The following FRMD4B variants were observed in gnomAD, a reference collection of about 807,000 sequenced individuals.
FRMD4B encodes FERM domain-containing protein 4B.
FRMD4B carries 74 observed loss-of-function variants against 141.5 expected under a neutral mutation model. The ratio of observed to expected loss-of-function variants is 0.52; its 90% CI spans 0.43 to 0.63. The LOEUF (loss-of-function observed/expected upper bound fraction) is 0.63, where lower values mean the gene tolerates loss of function less well. Among genes scored for constraint, FRMD4B ranks in the 30% least tolerant of loss-of-function variants. FRMD4B has a pLI of 0.00. For synonymous variants in FRMD4B, 506 were observed against 467.9 expected (o/e 1.08, Z -1.05); for missense variants, 1,366 against 1,253.4 (o/e 1.09, Z -1.36).
intron 1 of FRMD4B, among the ~76,000 whole-genome samples, chr3:69,443,263 G>A (rs754853309): frequency 6.6e-6 from 1 of 152,186 alleles, no homozygotes; most frequent in Non-Finnish European, 1.5e-5. Context: ...GAACAATGGG[G>A]TTTGGAGAGC....
intron 1 of FRMD4B, among the ~76,000 whole-genome samples, chr3:69,382,211 T>C (rs1400516915): frequency 1.3e-5 from 2 of 152,204 alleles, no homozygotes; most frequent in Non-Finnish European, 2.9e-5. Context: ...GGCTAATTTT[T>C]GTATTTTTAG....
At chr3:69,340,008 G>T (rs1433315447) in intron 1 of FRMD4B, among the ~76,000 whole-genome samples, 1 of 152,088 alleles carries the variant, frequency 6.6e-6, no homozygotes. Context: ...CCCTGGTCTT[G>T]TGTTAACTTC....
intron 19 of FRMD4B, among the ~76,000 whole-genome samples, chr3:69,186,506 G>A (rs1039573943): frequency 5.3e-5 from 8 of 152,154 alleles, no homozygotes; most frequent in Non-Finnish European, 1.2e-4. Context: ...GAGGTCAGGA[G>A]TTCAAGACCA....
intron 1 of FRMD4B, among the ~76,000 whole-genome samples, chr3:69,486,536 C>A (rs1417427588): frequency 1.3e-5 from 2 of 152,166 alleles, no homozygotes; most frequent in African/African-American, 4.8e-5. Flanking sequence ...GAATCTCTGC[C>A]AGGTAACTAA....
chr3:69,350,036 AACCTATAGAATGGGAGAAAATTTTC>A (rs1231258995), intron 1 of FRMD4B, among the ~76,000 whole-genome samples: 1 of 152,220 alleles, frequency 6.6e-6, no homozygotes, highest in African/African-American at 2.4e-5. Context: ...GTGAACAGGC[AACCTATAGAATGGGAGAAAATTTTC>A]ACAACCTACT....
At chr3:69,448,397 G>C (rs1705443045) in intron 1 of FRMD4B, among the ~76,000 whole-genome samples, 1 of 152,196 alleles carries the variant, frequency 6.6e-6, no homozygotes, top group Non-Finnish European at 1.5e-5. Flanking sequence ...GTGGAATTGT[G>C]AGATTCTATG....
In FRMD4B at chr3:69,229,029, T is replaced by G. The variant is rs74867192; in HGVS notation, c.582-4339A>C. Among the ~76,000 whole-genome samples the G allele has an allele frequency of 2.4e-3, 350 of 147,004 alleles. 1 individual carries two copies. Among genetic ancestry groups the G allele is most frequent in the African/African-American group, 6.0e-3 (236 of 39,282 alleles). ...CTCAAAATCATGTTTTTTTTTTTTT[T>G]TTTGTTTTGTTTTTGAGGCTGGGTC... On this transcript the variant is annotated intron_variant, in intron 7 of 22. Coordinates refer to ENST00000398540, the MANE Select transcript of FRMD4B (RefSeq NM_015123.3).
chr3:69,492,582 A>C (rs74992154), intron 1 of FRMD4B, among the ~76,000 whole-genome samples: 1 of 152,186 alleles, frequency 6.6e-6, no homozygotes, highest in African/African-American at 2.4e-5. Context: ...GGACCTTGCT[A>C]TGTGCATAAA....
intron 1 of FRMD4B, among the ~76,000 whole-genome samples, chr3:69,530,384 A>G (rs1001224428): frequency 2.6e-5 from 4 of 152,140 alleles, no homozygotes; most frequent in Non-Finnish European, 5.9e-5. Context: ...GTTGTTAAAA[A>G]GAGTCTGGCA....
chr3:69,491,507 G>T (rs1275097054), intron 1 of FRMD4B, among the ~76,000 whole-genome samples: 2 of 152,112 alleles, frequency 1.3e-5, no homozygotes, highest in Non-Finnish European at 2.9e-5. Context: ...ACACCTATTT[G>T]CAATTAAAGA....
In FRMD4B at chr3:69,249,209, G is replaced by T; in HGVS notation, c.581+17C>A. On this transcript the variant is annotated intron_variant, in intron 7 of 22. Coordinates refer to ENST00000398540, the MANE Select transcript of FRMD4B (RefSeq NM_015123.3). ...AGGGTTATTTTGCATAGTAATATCA[G>T]AAAAGAAAAGCATTACCTGGTATAA... 1 of 1,527,432 alleles carries T rather than the reference G, an allele frequency of 6.5e-7. No individual in the cohort carries two copies. The highest frequency in any genetic ancestry group is 9.0e-7 in the Non-Finnish European group (1 of 1,108,752). 94.6% of individuals were successfully genotyped at this position (1,527,432 alleles called of 1,614,324 possible).
At chr3:69,260,526 G>T (rs1272479701) in intron 5 of FRMD4B, among the ~76,000 whole-genome samples, 1 of 152,206 alleles carries the variant, frequency 6.6e-6, no homozygotes, top group Non-Finnish European at 1.5e-5. Context: ...CAGGGCTTGG[G>T]ACCTGCAGCC....
At chr3:69,323,635 T>G in intron 1 of FRMD4B, among the ~76,000 whole-genome samples, 1 of 131,916 alleles carries the variant, frequency 7.6e-6, no homozygotes, top group Admixed American at 7.4e-5. Flanking sequence ...TATATATATA[T>G]ATATATATAT....
chr3:69,478,263 C>A (rs1706039233), intron 1 of FRMD4B, among the ~76,000 whole-genome samples: 1 of 152,100 alleles, frequency 6.6e-6, no homozygotes, highest in East Asian at 1.9e-4. Context: ...AATGTGTTTT[C>A]TCTTGCTTTT....
At chr3:69,293,415 G>A (rs539135730) in intron 4 of FRMD4B, among the ~76,000 whole-genome samples, 1 of 116,788 alleles carries the variant, frequency 8.6e-6, no homozygotes, top group African/African-American at 2.7e-5. Flanking sequence ...ACACACTGGA[G>A]AAATGAGAGG....
chr3:69,225,810 C>G (rs762659991), intron 7 of FRMD4B, among the ~76,000 whole-genome samples: 1 of 147,350 alleles, frequency 6.8e-6, no homozygotes, highest in Admixed American at 6.8e-5. Flanking sequence ...AGGACATAAT[C>G]TATGAGGAAA....
chr3:69,461,623 C>CAAAAAAA (rs58143332), intron 1 of FRMD4B, among the ~76,000 whole-genome samples: 12 of 43,412 alleles, frequency 2.8e-4, no homozygotes, highest in Non-Finnish European at 3.6e-4. Flanking sequence ...GACTCTGTCT[C>CAAAAAAA]AAAAAAAAAA....
intron 17 of FRMD4B, among the ~76,000 whole-genome samples, chr3:69,191,648 T>C (rs2092839038): frequency 6.6e-6 from 1 of 152,206 alleles, no homozygotes; most frequent in Admixed American, 6.5e-5. Flanking sequence ...ACTATCTCTA[T>C]CAGACACACA....
At chr3:69,197,180 G>T in intron 12 of FRMD4B, 142 bp from the exon 13 acceptor site, 1 of 558,888 alleles carries the variant, frequency 1.8e-6, no homozygotes, top group Non-Finnish European at 3.1e-6. Context: ...TGGGGACCAA[G>T]TTTCTGATTT....
Sources: allele counts gnomAD v4.1 joint callset (sites outside exome capture counted in the v4.1 genomes callset), GRCh38; gene constraint gnomAD v4.1.1; transcripts MANE v1.5; gene names NCBI Gene and HGNC (gene_info 2026-07-23, HGNC 2026-07-21).